The following EEA1 variants were observed in gnomAD, a reference collection of about 807,000 sequenced individuals.
EEA1 encodes the protein early endosome antigen 1, 162kD.
A neutral mutation model predicts 209.2 loss-of-function variants in EEA1; 111 were observed. That is an observed-to-expected ratio of 0.53 (90% CI 0.45 to 0.62). EEA1 has a LOEUF of 0.62. Among genes scored for constraint, EEA1 ranks in the 20% least tolerant of loss-of-function variants. EEA1 has a pLI of 0.00. For synonymous variants in EEA1, 536 were observed against 540.6 expected (o/e 0.99, Z 0.12); for missense variants, 1,343 against 1,530.8 (o/e 0.88, Z 2.05).
At chr12:92,904,022 G>A (rs1235664353) in intron 1 of EEA1, among the ~76,000 whole-genome samples, 2 of 151,778 alleles carry the variant, frequency 1.3e-5, no homozygotes, top group African/African-American at 4.8e-5. Context: ...GAGTGCAATG[G>A]TGCAATCTCA....
intron 13 of EEA1, among the ~76,000 whole-genome samples, chr12:92,822,192 A>G (rs1249716904): frequency 1.3e-5 from 2 of 151,974 alleles, no homozygotes; most frequent in Non-Finnish European, 2.9e-5. Flanking sequence ...AATATCCTTA[A>G]TAACTCCCTC....
At chr12:92,850,689 CAAAAAAAAAA>C (rs11323932) in intron 9 of EEA1, among the ~76,000 whole-genome samples, 3 of 46,910 alleles carry the variant, frequency 6.4e-5, no homozygotes, top group African/African-American at 8.9e-5. Context: ...GACTTTGTCT[CAAAAAAAAAA>C]AAAAAAAAAA....
At chr12:92,847,096 GCA>G (rs1877416305) in intron 9 of EEA1, among the ~76,000 whole-genome samples, 1 of 152,032 alleles carries the variant, frequency 6.6e-6, no homozygotes, top group South Asian at 2.1e-4. Context: ...GGGATTACAG[GCA>G]TGCGCCACCA....
chr12:92,878,417 T>C (rs528500634), intron 2 of EEA1, among the ~76,000 whole-genome samples: 10 of 152,196 alleles, frequency 6.6e-5, no homozygotes, highest in African/African-American at 2.2e-4. Flanking sequence ...AATCCTGAGC[T>C]TCAATATCTG....
rs903498893 is a variant in EEA1, at chr12:92,832,943, T to C, written c.916-93A>G. 4 of 878,864 alleles carry C rather than the reference T, an allele frequency of 4.6e-6. No individual in the cohort carries two copies. In the African/African-American group the frequency reaches 5.1e-5, roughly 11 times the overall value. The allele number at this position is 878,864 out of a possible 1,614,324, so 54.4% of individuals were successfully genotyped here. ...TCTTTGGAGCAGTACTGTCTCCTAT[T>C]ATACATTTTAGTCAATATTAAAATA... On this transcript the variant is annotated intron_variant, in intron 10 of 28. Transcript: ENST00000322349.
At chr12:92,910,154 A>C (rs1268941630) in intron 1 of EEA1, among the ~76,000 whole-genome samples, 13 of 48,322 alleles carry the variant, frequency 2.7e-4, no homozygotes, top group African/African-American at 1.3e-3. Context: ...AAAATAAATA[A>C]ATTAATTAAA....
At position 92,782,137 on chromosome 12, in the gene EEA1, T is replaced by C; in HGVS notation, c.3151-2A>G. ...TAGAGAAAGCTTCTCTTCTACAGAC[T>C]TACAAAAACAATTTTCCCAAATTAT... is the stretch of plus-strand genomic sequence containing the variant. On this transcript the variant is annotated splice_acceptor_variant, in intron 22 of 28. Coordinates refer to ENST00000322349, the MANE Select transcript of EEA1 (RefSeq NM_003566.4). LOFTEE classifies it high-confidence loss of function. 1 of 1,587,138 alleles carries C rather than the reference T, an allele frequency of 6.3e-7. No individual in the cohort carries two copies. The highest frequency in any genetic ancestry group is 8.6e-7 in the Non-Finnish European group (1 of 1,166,446).
Position 92,789,123 on chromosome 12 carries a change from C to T in EEA1, c.2968-1074G>A, listed in dbSNP as rs185379007. On this transcript the variant is annotated intron_variant, in intron 21 of 28. Coordinates refer to ENST00000322349, the MANE Select transcript of EEA1 (RefSeq NM_003566.4). ...TGACCAACATGGTGAAACCCCGCCT[C>T]TACTAAAAATACAAAAATTAGCTGG... Among the ~76,000 whole-genome samples, 350 of 151,880 alleles carry T rather than the reference C, an allele frequency of 2.3e-3. 4 individuals are homozygous for T. Among genetic ancestry groups the T allele is most frequent in the African/African-American group, 7.8e-3 (323 of 41,442 alleles).
chr12:92,880,104 T>C (rs941068603), intron 2 of EEA1, among the ~76,000 whole-genome samples: 4 of 152,228 alleles, frequency 2.6e-5, no homozygotes, highest in African/African-American at 9.6e-5. Context: ...CCTACTCCCC[T>C]AGGCTGTAAA....
chr12:92,811,216 T>TCCATGAGATTTGATTC (rs1398018760), intron 17 of EEA1, 63 bp downstream of exon 17: 29 of 1,142,988 alleles, frequency 2.5e-5, no homozygotes, highest in Non-Finnish European at 3.2e-5. Flanking sequence ...TCCATGTAGG[T>TCCATGAGATTTGATTC]CATGAGATTC....
intron 12 of EEA1, 108 bp downstream of exon 12, chr12:92,827,804 T>A (rs1467255896): frequency 1.1e-5 from 13 of 1,190,438 alleles, no homozygotes; most frequent in Non-Finnish European, 1.5e-5. Flanking sequence ...AGCAATAAAT[T>A]TGCACTTTAA....
At position 92,828,049 on chromosome 12, in the gene EEA1, G is replaced by A. The variant is rs1455420637; in HGVS notation, c.1267C>T (p.Leu423Phe). 1.9e-6 allele frequency: 3 copies of A among 1,561,392 alleles called. No homozygotes were observed. The highest frequency in any genetic ancestry group is 2.6e-6 in the Non-Finnish European group (3 of 1,159,864). ...QSEINQLHSK[L>F]LETERQLGEA... Reference sequence around the variant, plus strand: ...CCTAGTTGGCGCTCTGTCTCCAGAAGTTTGCTATGTAACTTTAAAAAAAGA... The same window carrying A: ...CCTAGTTGGCGCTCTGTCTCCAGAAATTTGCTATGTAACTTTAAAAAAAGA... The change falls in exon 12 of 29, where the codon CTT (leucine) becomes TTT (phenylalanine). Residue 423 changes from leucine (L) to phenylalanine (F), a missense_variant. Around this residue, in one of 3 missense-constraint regions of EEA1, gnomAD observed 1,307 missense variants for 1,465.5 expected, o/e 0.89. Transcript: ENST00000322349.
At position 92,770,826 on chromosome 12, in the gene EEA1, A is replaced by G. The variant is rs1323233713; in HGVS notation, c.*5185T>C. The G allele has an allele frequency of 7.2e-6, 1 of 138,752 alleles. No individual in the cohort carries two copies. The highest frequency in any genetic ancestry group is 2.7e-5 in the African/African-American group (1 of 37,716). 8.6% of individuals were successfully genotyped at this position (138,752 alleles called of 1,614,324 possible). A position where few individuals can be genotyped will look rare whatever the true frequency, so the allele number is the denominator to read the frequency against. On this transcript the variant is annotated 3_prime_UTR_variant, in exon 29 of 29. Transcript: ENST00000322349. ...AAAGACTAAATTCCATTACTTTAAG[A>G]TAGGAAGAAAAAAAAAATCTGGCTT...
chr12:92,825,133 G>T (rs1446974725), intron 13 of EEA1, among the ~76,000 whole-genome samples: 1 of 152,184 alleles, frequency 6.6e-6, no homozygotes, highest in African/African-American at 2.4e-5. Flanking sequence ...ATGAAAGAAT[G>T]AATTAAAGCC....
intron 1 of EEA1, among the ~76,000 whole-genome samples, chr12:92,892,447 G>A (rs1383516220): frequency 3.3e-5 from 5 of 151,608 alleles, no homozygotes; most frequent in Non-Finnish European, 4.4e-5. Flanking sequence ...GTTCAAGGAA[G>A]AAGAAAAAAA....
chr12:92,777,409 C>A (rs979518957), intron 27 of EEA1, 134 bp downstream of exon 27: 1 of 982,954 alleles, frequency 1.0e-6, no homozygotes, highest in Non-Finnish European at 1.4e-6. Flanking sequence ...ACAAAACCTA[C>A]AATACTGCTA....
At chr12:92,866,018 G>A (rs1878374952) in intron 2 of EEA1, among the ~76,000 whole-genome samples, 1 of 151,440 alleles carries the variant, frequency 6.6e-6, no homozygotes, top group Admixed American at 6.6e-5. Context: ...CAAAGCATTG[G>A]GATTACAGGC....
chr12:92,793,907 CA>C (rs1327947162), intron 21 of EEA1, among the ~76,000 whole-genome samples: 25 of 152,102 alleles, frequency 1.6e-4, no homozygotes, highest in African/African-American at 6.0e-4. Flanking sequence ...AGAGCTTCCG[CA>C]CGGCAAAAGA....
intron 8 of EEA1, 91 bp downstream of exon 8, chr12:92,852,084 A>G: frequency 9.6e-7 from 1 of 1,046,854 alleles, no homozygotes; most frequent in Non-Finnish European, 1.3e-6. Context: ...CACTCAAATT[A>G]TATTTTTAAA....
Sources: gnomAD v4.1 joint callset for allele counts (sites outside exome capture counted in the v4.1 genomes callset) on GRCh38, gnomAD v4.1.1 for gene constraint, gnomAD v4.1.1 regional missense constraint, MANE v1.5 for transcripts, NCBI Gene and HGNC (gene_info 2026-07-23, HGNC 2026-07-21) for gene names.